C3: variants seen among roughly 807,000 people sequenced by gnomAD.
C3 encodes C3 and PZP-like alpha-2-macroglobulin domain-containing protein 1.
A neutral mutation model predicts 207.9 loss-of-function variants in C3; 97 were observed. The observed-to-expected ratio is 0.47, with a 90% CI of 0.40 to 0.55. The LOEUF (loss-of-function observed/expected upper bound fraction) is 0.55, where lower values mean the gene tolerates loss of function less well. Among genes scored for constraint, C3 ranks in the 20% least tolerant of loss-of-function variants. The pLI, the probability that C3 is intolerant of heterozygous loss-of-function variation, is 0.00. For synonymous variants in C3, 848 were observed against 857.6 expected (o/e 0.99, Z 0.20); for missense variants, 1,684 against 2,171.7 (o/e 0.78, Z 4.46).
At chr19:6,692,239 A>G (rs1238991505) in intron 26 of C3, among the ~76,000 whole-genome samples, 1 of 152,152 alleles carries the variant, frequency 6.6e-6, no homozygotes, top group African/African-American at 2.4e-5. Context: ...AAGCGCTGGG[A>G]TTACAGGCAT....
At position 6,713,143 on chromosome 19, in the gene C3, C is replaced by T. The variant is rs774286375; in HGVS notation, c.1003+46G>A. ...TCTGACCTGGTCTCCCCTCTCAGACCGGCCCACTTGGTGGTCCTGAGCCTG... is the reference window on the plus strand; with the variant it reads ...TCTGACCTGGTCTCCCCTCTCAGACTGGCCCACTTGGTGGTCCTGAGCCTG... On this transcript the variant is annotated intron_variant, in intron 9 of 40. Coordinates refer to ENST00000245907, the MANE Select transcript of C3 (RefSeq NM_000064.4). 103 of 1,611,140 alleles carry T rather than the reference C, an allele frequency of 6.4e-5. No homozygotes were observed. In the East Asian group the frequency reaches 1.3e-3, roughly 20 times the overall value.
At position 6,694,430 on chromosome 19, in the gene C3, C is replaced by T. The variant is rs1317480598; in HGVS notation, c.3154+1G>A. ...GTCTCCAAGAGGGGCAGGGAGCCCA[C>T]CCTTCTTGATGAGCTCCAAGGCCCC... On this transcript the variant is annotated splice_donor_variant, in intron 24 of 40. Transcript: ENST00000245907. LOFTEE classifies it high-confidence loss of function. 6.2e-7 allele frequency: 1 copy of T among 1,613,740 alleles called. No individual in the cohort carries two copies. The highest frequency in any genetic ancestry group is 1.7e-5 in the Admixed American group (1 of 60,016).
rs567851766 is a variant in C3 at position 6,719,331 on chromosome 19, C to T, written c.147G>A (p.Ala49=). The T allele has an allele frequency of 5.6e-6, 9 of 1,614,008 alleles. No individual in the cohort carries two copies. The highest frequency in any genetic ancestry group is 3.3e-5 in the Admixed American group (2 of 60,006). ...TAACAGTGACTGGAACATCCCCTTGCGCGTCGTGGGCCTCCAGCACCATGG... is the reference window on the plus strand; with the variant it reads ...TAACAGTGACTGGAACATCCCCTTGTGCGTCGTGGGCCTCCAGCACCATGG... ...EETMVLEAHD[A]QGDVPVTVTV... The change falls in exon 2 of 41, where the codon GCG becomes GCA. Residue 49 remains alanine (A), a synonymous_variant. Transcript: ENST00000245907. This position sits in a 1 kb window ranked among gnomAD's most constrained non-coding sequence, Gnocchi z 5.4.
At chr19:6,694,669 A>C (rs1918263158) in intron 23 of C3, 35 bp from the exon 24 acceptor site, 13 of 1,596,142 alleles carry the variant, frequency 8.1e-6, no homozygotes, top group Non-Finnish European at 1.1e-5. Context: ...TGCTCAAGCC[A>C]GGTGGGTGAC....
intron 36 of C3, among the ~76,000 whole-genome samples, 161 bp from the exon 37 acceptor site, chr19:6,679,657 C>A (rs930122771): frequency 6.6e-6 from 1 of 152,120 alleles, no homozygotes; most frequent in Admixed American, 6.5e-5. Context: ...ACTTTCTGAT[C>A]TTTGGGATTC....
chr19:6,718,750 G>A (rs1042686442), intron 2 of C3, among the ~76,000 whole-genome samples: 39 of 151,302 alleles, frequency 2.6e-4, no homozygotes, highest in Non-Finnish European at 2.7e-4. Context: ...GAGACTAAGA[G>A]GGGAGGAGTT....
chr19:6,689,328 C>T lies in C3; in HGVS notation c.3489+1301G>A, dbSNP rs1165059432. 5.1e-3 allele frequency among the ~76,000 whole-genome samples: 269 copies of T among 53,232 alleles called. 10 individuals carry two copies. The highest frequency in any genetic ancestry group is 0.025 in the African/African-American group (251 of 10,122). 34.9% of individuals were successfully genotyped at this position (53,232 alleles called of 152,430 possible). A position where few individuals can be genotyped will look rare whatever the true frequency, so the allele number is the denominator to read the frequency against. ...CTCTCTCTCTCTCTCTCTCTACCTA[C>T]CTCCCTCCCTCCCTCCCTCCCTCCC... On this transcript the variant is annotated intron_variant, in intron 27 of 40. Transcript: ENST00000245907.
chr19:6,710,071 CAG>C (rs1424119826), intron 13 of C3, among the ~76,000 whole-genome samples: 4 of 69,168 alleles, frequency 5.8e-5, no homozygotes, highest in African/African-American at 1.3e-4. Context: ...GACGGAGAGA[CAG>C]GGAGAGAGGG....
rs768222788 is a variant in C3, at chr19:6,685,165, A to G, written c.3811-19T>C. On this transcript the variant is annotated intron_variant, in intron 29 of 40. Transcript: ENST00000245907. ...AGGTGGCCTAGAACCCACAAGAGAG[A>G]AAGATGGTGATCTGGGAGCCTGGGA... The G allele has an allele frequency of 1.2e-6, 2 of 1,612,262 alleles. No homozygotes were observed. The highest frequency in any genetic ancestry group is 1.7e-6 in the Non-Finnish European group (2 of 1,178,894).
At chr19:6,687,968 T>G (rs747545562) in intron 27 of C3, among the ~76,000 whole-genome samples, 1 of 151,368 alleles carries the variant, frequency 6.6e-6, no homozygotes, top group Non-Finnish European at 1.5e-5. Flanking sequence ...GTGATTCTCC[T>G]GCCTCAGCCT....
intron 23 of C3, among the ~76,000 whole-genome samples, 187 bp from the exon 24 acceptor site, chr19:6,694,821 T>C (rs1776480682): frequency 6.6e-6 from 1 of 152,094 alleles, no homozygotes; most frequent in South Asian, 2.1e-4. Flanking sequence ...GTCTGCACTG[T>C]TAGGAGTGGG....
At chr19:6,702,730 C>T in intron 17 of C3, 151 bp from the exon 18 acceptor site, 1 of 669,276 alleles carries the variant, frequency 1.5e-6, no homozygotes, top group South Asian at 1.5e-5. Flanking sequence ...AAACCCATCT[C>T]TACTAAAAAT....
At chr19:6,686,500 G>T in intron 28 of C3, 1 of 710,726 alleles carries the variant, frequency 1.4e-6, no homozygotes, top group Non-Finnish European at 2.5e-6. Context: ...ATACGCATTT[G>T]TTGAATAAAT....
chr19:6,707,920 C>G lies in C3; in HGVS notation c.1855G>C (p.Val619Leu). Residue 619 changes from valine (V) to leucine (L), a missense_variant, in exon 15 of 41, where the codon GTG becomes CTG. Val to Leu is a conservative substitution (Grantham distance 32). Around this residue, in one of 3 missense-constraint regions of C3, gnomAD observed 1,280 missense variants for 1,739.1 expected, o/e 0.74. Coordinates refer to ENST00000245907, the MANE Select transcript of C3 (RefSeq NM_000064.4). Reference sequence around the variant, plus strand: ...CAGCCGATGTCTGCCTTCTCCACCACGTCCCAGATCTGCGGGGGGCATAGG... The same window carrying G: ...CAGCCGATGTCTGCCTTCTCCACCAGGTCCCAGATCTGCGGGGGGCATAGG... Reference protein sequence around the residue: ...NKLTQSKIWDVVEKADIGCTP... With the variant: ...NKLTQSKIWDLVEKADIGCTP... 1.2e-6 allele frequency: 2 copies of G among 1,613,844 alleles called. No homozygotes were observed. Among genetic ancestry groups the G allele is most frequent in the Non-Finnish European group, 1.7e-6 (2 of 1,180,010 alleles).
At chr19:6,697,614 G>T in intron 20 of C3, 38 bp downstream of exon 20, 1 of 1,614,004 alleles carries the variant, frequency 6.2e-7, no homozygotes, top group Non-Finnish European at 8.5e-7. Context: ...CCTACCCCCT[G>T]GCAGCCTCCA....
At chr19:6,697,061 T>TAAAAAAAAAAA (rs1344751717) in intron 21 of C3, among the ~76,000 whole-genome samples, 2 of 76,542 alleles carry the variant, frequency 2.6e-5, no homozygotes, top group African/African-American at 1.1e-4. Context: ...AACAAACAAA[T>TAAAAAAAAAAA]AAATAAATAA....
Position 6,681,922 on chromosome 19 carries a change from G to T in C3, c.4350+19C>A, listed in dbSNP as rs948764879. On this transcript the variant is annotated intron_variant, in intron 35 of 40. Coordinates refer to ENST00000245907, the MANE Select transcript of C3 (RefSeq NM_000064.4). ...GGGTGCCCCTGGAAGCCTCCCAGGG[G>T]AGGATGATGCAGCCTTACCTTGTCC... is the stretch of plus-strand genomic sequence containing the variant. The T allele has an allele frequency of 1.3e-6, 2 of 1,596,264 alleles. No homozygotes were observed. Among genetic ancestry groups the T allele is most frequent in the African/African-American group, 2.7e-5 (2 of 74,400 alleles).
rs1279633477 is a variant in C3, at chr19:6,719,123, A to G, written c.267+88T>C. 1.7e-6 allele frequency: 2 copies of G among 1,151,654 alleles called. No homozygotes were observed. The highest frequency in any genetic ancestry group is 4.8e-5 in the East Asian group (2 of 41,884). 71.3% of individuals were successfully genotyped at this position (1,151,654 alleles called of 1,614,324 possible). A position where few individuals can be genotyped will look rare whatever the true frequency, so the allele number is the denominator to read the frequency against. Reference sequence around the variant, plus strand: ...AGGGAAGGGCAGGGCTTAGAAAGGGAGAAGACAGAAGGGGAGGGGCTCAGG... The same window carrying G: ...AGGGAAGGGCAGGGCTTAGAAAGGGGGAAGACAGAAGGGGAGGGGCTCAGG... On this transcript the variant is annotated intron_variant, in intron 2 of 40. Transcript: ENST00000245907. This position sits in a 1 kb window ranked among gnomAD's most constrained non-coding sequence, Gnocchi z 5.4.
chr19:6,691,439 T>G (rs1435072182), intron 26 of C3, among the ~76,000 whole-genome samples: 1 of 151,988 alleles, frequency 6.6e-6, no homozygotes, highest in Non-Finnish European at 1.5e-5. Flanking sequence ...TGTGACCCAG[T>G]TGGGGAGGTC....
Sources: allele counts gnomAD v4.1 joint callset (sites outside exome capture counted in the v4.1 genomes callset), GRCh38; gene constraint gnomAD v4.1.1; regional missense constraint gnomAD v4.1.1; non-coding constraint Gnocchi (gnomAD v3.1); transcripts MANE v1.5; gene names NCBI Gene and HGNC (gene_info 2026-07-23, HGNC 2026-07-21).